Variants in HTR2C observed in about 807,000 individuals in gnomAD.
HTR2C encodes 5-hydroxytryptamine receptor 2C.
Under a neutral mutation model 21.0 loss-of-function variants are expected in HTR2C, and 5 were observed. The observed-to-expected ratio is 0.24, with a 90% CI of 0.12 to 0.50. HTR2C has a LOEUF of 0.50. HTR2C is among the 20% of genes least tolerant of loss of function. The probability of loss-of-function intolerance (pLI) is 0.98; values close to 1 mark genes in which losing one functional copy is unlikely to be tolerated. For missense variants in HTR2C, 271 were observed against 371.2 expected, an observed-to-expected ratio of 0.73 and a Z score of 2.22; for synonymous variants, 150 against 145.3, an observed-to-expected ratio of 1.03 and a Z score of -0.23.
rs995526434 is a variant in HTR2C, at chrX:114,694,531, C to T, written c.-79-32327C>T. 3.6e-4 allele frequency among the ~76,000 whole-genome samples: 38 copies of T among 105,159 alleles called. 1 individual carries two copies. The highest frequency in any genetic ancestry group is 1.3e-3 in the African/African-American group (36 of 27,566). The allele number at this position is 105,159 out of a possible 115,157, so 91.3% of individuals were successfully genotyped here. ...TAGACAGAGTCTCATTCTTTTTGCC[C>T]GGGCTGGAGTGCAGAGGTACAATCT... is the stretch of plus-strand genomic sequence containing the variant. On this transcript the variant is annotated intron_variant, in intron 2 of 5. Coordinates refer to ENST00000276198, the MANE Select transcript of HTR2C (RefSeq NM_000868.4).
At chrX:114,618,181 A>C (rs1031722186) in intron 2 of HTR2C, among the ~76,000 whole-genome samples, 6 of 112,199 alleles carry the variant, frequency 5.3e-5, no homozygotes, top group African/African-American at 1.6e-4. Context: ...ACTATCTGCC[A>C]CACATATTTT....
At chrX:114,806,369 A>C (rs1271049518) in intron 4 of HTR2C, among the ~76,000 whole-genome samples, 2 of 47,945 alleles carry the variant, frequency 4.2e-5, no homozygotes, top group African/African-American at 1.5e-4. Flanking sequence ...TATATACCGT[A>C]TATATACACA....
intron 2 of HTR2C, chrX:114,630,775 C>G (rs1387153686): frequency 3.0e-6 from 1 of 336,876 alleles, no homozygotes; most frequent in African/African-American, 2.6e-5. Context: ...GCATGGGGCC[C>G]CAACCCCAGC....
At position 114,712,065 on chromosome X, in the gene HTR2C, T is replaced by C. The variant is rs781978256; in HGVS notation, c.-79-14793T>C. Reference sequence around the variant, plus strand: ...AGCAACGCTGCCTATGATTTACTACTTAAGAACAAATGTTCATGATGATGC... The same window carrying C: ...AGCAACGCTGCCTATGATTTACTACCTAAGAACAAATGTTCATGATGATGC... On this transcript the variant is annotated intron_variant, in intron 2 of 5. Transcript: ENST00000276198. Among the ~76,000 whole-genome samples the C allele has an allele frequency of 5.5e-4, 62 of 112,105 alleles. 1 individual carries two copies. The highest frequency in any genetic ancestry group is 1.9e-3 in the African/African-American group (59 of 31,002).
At chrX:114,725,539 C>G (rs1470320635) in intron 2 of HTR2C, among the ~76,000 whole-genome samples, 1 of 112,482 alleles carries the variant, frequency 8.9e-6, no homozygotes, top group South Asian at 3.7e-4. Context: ...CTCCATCCAG[C>G]TTTCTTCCAT....
intron 4 of HTR2C, among the ~76,000 whole-genome samples, chrX:114,784,636 CT>C (rs1284761708): frequency 1.6e-3 from 167 of 101,359 alleles, no homozygotes; most frequent in African/African-American, 5.0e-3. Context: ...AGTTGCCTTC[CT>C]TTTTTTTTTT....
At chrX:114,839,084 C>T (rs1247224866) in intron 4 of HTR2C, among the ~76,000 whole-genome samples, 1 of 112,239 alleles carries the variant, frequency 8.9e-6, no homozygotes, top group Non-Finnish European at 1.9e-5. Flanking sequence ...AGAAGAACTT[C>T]TCATGATGTA....
intron 4 of HTR2C, among the ~76,000 whole-genome samples, chrX:114,786,862 TG>T (rs2070179708): frequency 9.0e-6 from 1 of 111,339 alleles, no homozygotes; most frequent in African/African-American, 3.3e-5. Flanking sequence ...GTGGGATTTT[TG>T]TTTTTTTGTT....
At chrX:114,849,149 G>A (rs1273045400) in intron 5 of HTR2C, among the ~76,000 whole-genome samples, 2 of 112,107 alleles carry the variant, frequency 1.8e-5, no homozygotes, top group Non-Finnish European at 3.8e-5. Flanking sequence ...TGAATAAAAA[G>A]TCGTGAAGCT....
intron 4 of HTR2C, among the ~76,000 whole-genome samples, chrX:114,828,380 G>A (rs1315554718): frequency 1.8e-5 from 2 of 111,161 alleles, no homozygotes; most frequent in African/African-American, 6.5e-5. Context: ...CATGATTAGG[G>A]TAGCTGCCTT....
At chrX:114,790,801 C>CA (rs201406562) in intron 4 of HTR2C, among the ~76,000 whole-genome samples, 4,942 of 111,181 alleles carry the variant, frequency 0.044, 274 homozygotes, top group African/African-American at 0.15. Context: ...GATTTAATCA[C>CA]AAAAAAGAGT....
chrX:114,615,966 G>T (rs1928931410), intron 2 of HTR2C, among the ~76,000 whole-genome samples: 1 of 112,042 alleles, frequency 8.9e-6, no homozygotes, highest in African/African-American at 3.2e-5. Context: ...ATGAGCTGAA[G>T]GGGAAAATAT....
intron 4 of HTR2C, among the ~76,000 whole-genome samples, chrX:114,829,442 C>T (rs1735868127): frequency 9.0e-6 from 1 of 111,365 alleles, no homozygotes; most frequent in Non-Finnish European, 1.9e-5. Flanking sequence ...TGTTTTTACA[C>T]TCTTCTGATA....
chrX:114,605,652 G>T (rs782097799), intron 1 of HTR2C, among the ~76,000 whole-genome samples: 1 of 111,223 alleles, frequency 9.0e-6, no homozygotes, highest in East Asian at 2.8e-4. Context: ...TTGGTATTGG[G>T]GTGAAGCGGC....
At chrX:114,897,436 C>T (rs1556484329) in intron 5 of HTR2C, among the ~76,000 whole-genome samples, 5 of 110,205 alleles carry the variant, frequency 4.5e-5, no homozygotes, top group Non-Finnish European at 5.7e-5. Context: ...CAGGGATACA[C>T]GTGCAGGATG....
At chrX:114,884,184 G>A (rs1481738677) in intron 5 of HTR2C, among the ~76,000 whole-genome samples, 1 of 110,757 alleles carries the variant, frequency 9.0e-6, no homozygotes, top group African/African-American at 3.3e-5. Context: ...CACTGATGAA[G>A]ATTTAGTTTG....
intron 2 of HTR2C, among the ~76,000 whole-genome samples, chrX:114,726,485 T>C (rs1933490612): frequency 8.9e-6 from 1 of 112,670 alleles, no homozygotes; most frequent in Non-Finnish European, 1.9e-5. Flanking sequence ...TCTGCGTCGC[T>C]CACGCTGGGA....
intron 2 of HTR2C, among the ~76,000 whole-genome samples, chrX:114,700,220 A>C (rs1313051417): frequency 8.9e-6 from 1 of 112,108 alleles, no homozygotes; most frequent in African/African-American, 3.2e-5. Context: ...GTGAAGGCAC[A>C]TAATTCCACC....
At chrX:114,633,747 A>G (rs1230036075) in intron 2 of HTR2C, among the ~76,000 whole-genome samples, 1 of 109,869 alleles carries the variant, frequency 9.1e-6, no homozygotes, top group African/African-American at 3.3e-5. Context: ...TGTTTTATTA[A>G]TATGTTCAAA....
Sources: allele counts gnomAD v4.1 joint callset (sites outside exome capture counted in the v4.1 genomes callset), GRCh38; gene constraint gnomAD v4.1.1; transcripts MANE v1.5; gene names NCBI Gene and HGNC (gene_info 2026-07-23, HGNC 2026-07-21).